NDUFA6: variants seen among roughly 807,000 people sequenced by gnomAD.
NDUFA6 encodes NADH dehydrogenase [ubiquinone] 1 alpha subcomplex subunit 6.
Under a neutral mutation model 12.5 loss-of-function variants are expected in NDUFA6, and 10 were observed. That is an observed-to-expected ratio of 0.80 (90% CI 0.49 to 1.35). NDUFA6 has a LOEUF of 1.35. Ranked by LOEUF, NDUFA6 falls within the 40% of genes most tolerant of loss-of-function variation. NDUFA6 has a pLI of 0.00. For missense variants in NDUFA6, 177 were observed against 173.5 expected, an observed-to-expected ratio of 1.02 and a Z score of -0.11; for synonymous variants, 66 against 63.0, an observed-to-expected ratio of 1.05 and a Z score of -0.23.
intron 1 of NDUFA6, among the ~76,000 whole-genome samples, chr22:42,089,035 C>T (rs1017937870): frequency 6.6e-5 from 10 of 151,988 alleles, no homozygotes; most frequent in Non-Finnish European, 1.2e-4. Context: ...GCCTTCTTTT[C>T]CTCCTCTCAA....
chr22:42,087,199 G>T (rs1813859720), intron 1 of NDUFA6, 24 bp from the exon 2 acceptor site: 2 of 1,511,278 alleles, frequency 1.3e-6, no homozygotes, highest in African/African-American at 2.7e-5. Flanking sequence ...CATGACTCAG[G>T]GTAGAAATTG....
chr22:42,087,312 T>C, intron 1 of NDUFA6, 137 bp from the exon 2 acceptor site: 1 of 708,092 alleles, frequency 1.4e-6, no homozygotes. Flanking sequence ...GGCTAGGTGC[T>C]TGAGGATGAG....
At chr22:42,090,370 C>G (rs1928560576) in intron 1 of NDUFA6, among the ~76,000 whole-genome samples, 1 of 152,256 alleles carries the variant, frequency 6.6e-6, no homozygotes, top group African/African-American at 2.4e-5. Flanking sequence ...TTGCGAAGGA[C>G]AAAAGAGACC....
rs138766904 is a variant in NDUFA6 at position 42,086,201 on chromosome 22, A to G, written c.369T>C (p.Tyr123=). 4.5e-5 allele frequency: 72 copies of G among 1,614,256 alleles called. No individual in the cohort carries two copies. In the African/African-American group the frequency reaches 8.3e-4, roughly 19 times the overall value. ...AATGACTTCATGGATCGTGGCCAAC[A>G]TAGAACTTGGATAGGAAATCCTTTG... The part of the protein sequence containing the change: ...PRPKDFLSKF[Y]VGHDP Residue 123 remains tyrosine, a synonymous_variant, in exon 3 of 3, where the codon TAT becomes TAC. Coordinates refer to ENST00000498737, the MANE Select transcript of NDUFA6 (RefSeq NM_002490.6).
chr22:42,090,637 G>T lies in NDUFA6; in HGVS notation c.108C>A (p.Tyr36Ter). Residue 36 changes from tyrosine (Y) to a stop codon, truncating the protein, a stop_gained, in exon 1 of 3, where the codon TAC (tyrosine) becomes TAA (stop). Coordinates refer to ENST00000498737, the MANE Select transcript of NDUFA6 (RefSeq NM_002490.6). LOFTEE classifies it high-confidence loss of function. ...NEAKRRVRELYRAWYREVPNT... is the reference protein window; with the variant it reads ...NEAKRRVREL Reference sequence around the variant, plus strand: ...TCGGCACCTCCCGATACCAGGCGCGGTAGAGCTCGCGCACCCTCCGCTTGG... The same window carrying T: ...TCGGCACCTCCCGATACCAGGCGCGTTAGAGCTCGCGCACCCTCCGCTTGG... The T allele has an allele frequency of 6.2e-7, 1 of 1,614,078 alleles. No homozygotes were observed. The highest frequency in any genetic ancestry group is 8.5e-7 in the Non-Finnish European group (1 of 1,180,040).
chr22:42,088,360 T>C (rs1236715020), intron 1 of NDUFA6, among the ~76,000 whole-genome samples: 6 of 151,304 alleles, frequency 4.0e-5, no homozygotes, highest in African/African-American at 1.5e-4. Context: ...TGAGCCGAGA[T>C]TGCGCCACTG....
chr22:42,088,758 CTGT>C (rs1928437733), intron 1 of NDUFA6, among the ~76,000 whole-genome samples: 3 of 149,092 alleles, frequency 2.0e-5, no homozygotes, highest in African/African-American at 7.4e-5. Context: ...GTTATCATTA[CTGT>C]TTTTTTCATT....
chr22:42,088,683 T>A (rs1928428026), intron 1 of NDUFA6, among the ~76,000 whole-genome samples: 1 of 141,366 alleles, frequency 7.1e-6, no homozygotes, highest in African/African-American at 2.7e-5. Context: ...ATCGCGCCAT[T>A]GCCCTCCAGC....
intron 2 of NDUFA6, 108 bp from the exon 3 acceptor site, chr22:42,086,422 T>A: frequency 6.9e-7 from 1 of 1,458,342 alleles, no homozygotes; most frequent in Non-Finnish European, 9.6e-7. Context: ...TTGAATGACC[T>A]TGGGCAAGTA....
intron 1 of NDUFA6, 95 bp from the exon 2 acceptor site, chr22:42,087,270 C>A: frequency 1.1e-6 from 1 of 950,682 alleles, no homozygotes; most frequent in Non-Finnish European, 1.7e-6. Flanking sequence ...GTCGCCCATT[C>A]ATTTCTTCAC....
In NDUFA6 at chr22:42,086,306, G is replaced by A. The variant is rs754577802; in HGVS notation, c.264C>T (p.Ile88=). 3 of 1,614,138 alleles carry A rather than the reference G, an allele frequency of 1.9e-6. No homozygotes were observed. Among genetic ancestry groups the A allele is most frequent in the South Asian group, 2.2e-5 (2 of 91,084 alleles). ...ATACTTTAATTGTTTCTTCCAGTTC[G>A]ATCTTTCCCTGAACAGTGAGGAGAG... is the stretch of plus-strand genomic sequence containing the variant. The part of the protein sequence containing the change: ...VVDLLVIKGK[I]ELEETIKVWK... The change falls in exon 3 of 3, where the codon ATC becomes ATT. Residue 88 remains isoleucine, a synonymous_variant. Coordinates refer to ENST00000498737, the MANE Select transcript of NDUFA6 (RefSeq NM_002490.6).
At chr22:42,090,527 C>T in intron 1 of NDUFA6, 79 bp downstream of exon 1, 1 of 1,542,872 alleles carries the variant, frequency 6.5e-7, no homozygotes, top group East Asian at 2.2e-5. Flanking sequence ...CTCAGCTGGG[C>T]CCATGAGAAA....
chr22:42,089,162 A>G (rs1307905224), intron 1 of NDUFA6, among the ~76,000 whole-genome samples: 1 of 151,910 alleles, frequency 6.6e-6, no homozygotes, highest in African/African-American at 2.4e-5. Flanking sequence ...TCTGTCTTCT[A>G]CTTGGCCACT....
At position 42,089,327 on chromosome 22, in the gene NDUFA6, A is replaced by AACACACACACACACACACACACACAC. The variant is rs59418535; in HGVS notation, c.139+1253_139+1278dup. ...GCTGAATTTGAATGCACCACCCCGA[A>AACACACACACACACACACACACACAC]ACACACACACACACACACACACACA... On this transcript the variant is annotated intron_variant, in intron 1 of 2. Coordinates refer to ENST00000498737, the MANE Select transcript of NDUFA6 (RefSeq NM_002490.6). Among the ~76,000 whole-genome samples, 228 of 147,224 alleles carry AACACACACACACACACACACACACAC rather than the reference A, an allele frequency of 1.5e-3. 2 individuals are homozygous for AACACACACACACACACACACACACAC. Among genetic ancestry groups the AACACACACACACACACACACACACAC allele is most frequent in the African/African-American group, 5.5e-3 (216 of 39,334 alleles).
At chr22:42,089,354 A>T (rs1008560655) in intron 1 of NDUFA6, among the ~76,000 whole-genome samples, 1 of 149,800 alleles carries the variant, frequency 6.7e-6, no homozygotes, top group Non-Finnish European at 1.5e-5. Context: ...ACACACACAC[A>T]CTGCTACAGT....
chr22:42,086,345 A>T (rs1220599962), intron 2 of NDUFA6, 31 bp from the exon 3 acceptor site: 2 of 1,614,028 alleles, frequency 1.2e-6, no homozygotes, highest in East Asian at 2.2e-5. Context: ...TCATCAGTCA[A>T]AGTTGTCAAG....
intron 2 of NDUFA6, among the ~76,000 whole-genome samples, chr22:42,086,667 C>T (rs1485435971): frequency 4.6e-5 from 7 of 152,184 alleles, no homozygotes; most frequent in Non-Finnish European, 8.8e-5. Flanking sequence ...TTGATGCTAA[C>T]GTGACTGGCC....
At chr22:42,088,658 T>C (rs895483184) in intron 1 of NDUFA6, among the ~76,000 whole-genome samples, 6 of 147,540 alleles carry the variant, frequency 4.1e-5, no homozygotes, top group South Asian at 2.1e-4. Context: ...GAGGTGGAGG[T>C]TGCAGTGAGC....
At position 42,090,740 on chromosome 22, in the gene NDUFA6, G is replaced by A. The variant is rs762473286; in HGVS notation, c.5C>T (p.Ala2Val). 3 of 1,614,148 alleles carry A rather than the reference G, an allele frequency of 1.9e-6. No individual in the cohort carries two copies. Among genetic ancestry groups the A allele is most frequent in the South Asian group, 2.2e-5 (2 of 91,088 alleles). The change falls in exon 1 of 3, where the codon GCG becomes GTG. Residue 2 changes from alanine to valine, a missense_variant. By Grantham distance (64) the Ala-to-Val change is moderately conservative. This residue lies in a region of NDUFA6 where 111 missense variants were observed against 87.2 expected (regional missense o/e 1.27). Transcript: ENST00000498737. ...AGTAGCTTGGCGGACGCCGCTCCCC[G>A]CCATCTTGCCAAAGCATCCACTCCA... M[A>V]GSGVRQATST...
Sources: gnomAD v4.1 joint callset for allele counts (sites outside exome capture counted in the v4.1 genomes callset) on GRCh38, gnomAD v4.1.1 for gene constraint, gnomAD v4.1.1 regional missense constraint, MANE v1.5 for transcripts, NCBI Gene and HGNC (gene_info 2026-07-23, HGNC 2026-07-21) for gene names.